Variants in ANKRD11 observed in about 807,000 individuals in gnomAD.
ANKRD11 encodes the protein ankyrin repeat domain 11.
Under a neutral mutation model 195.7 loss-of-function variants are expected in ANKRD11, and 17 were observed. The ratio of observed to expected loss-of-function variants is 0.09; its 90% CI spans 0.06 to 0.13. The LOEUF is 0.13. Ranked by LOEUF, ANKRD11 falls within the 10% of genes least tolerant of loss-of-function variation. ANKRD11 has a pLI of 1.00. For missense variants in ANKRD11, 3,735 were observed against 3,566.1 expected (o/e 1.05, Z -1.21); for synonymous variants, 1,953 against 1,528.1 (o/e 1.28, Z -6.49).
chr16:89,478,862 A>C (rs543484844), intron 1 of ANKRD11, among the ~76,000 whole-genome samples: 1 of 152,374 alleles, frequency 6.6e-6, no homozygotes, highest in African/African-American at 2.4e-5. Context: ...AGGATGAGGT[A>C]ATCTGGAGGT....
At chr16:89,317,151 C>G (rs1291852071) in intron 2 of ANKRD11, 73 bp from the exon 3 acceptor site, 11 of 1,004,156 alleles carry the variant, frequency 1.1e-5, no homozygotes, top group African/African-American at 1.6e-5. Context: ...ACACCGCACT[C>G]AACAGACTCA....
chr16:89,478,139 G>C (rs966649393), intron 1 of ANKRD11, among the ~76,000 whole-genome samples: 15 of 152,278 alleles, frequency 9.9e-5, no homozygotes, highest in Admixed American at 2.6e-4. Context: ...TTCAGGAACA[G>C]TTCCCAACGT....
At chr16:89,374,950 T>C (rs906654964) in intron 2 of ANKRD11, among the ~76,000 whole-genome samples, 1 of 152,156 alleles carries the variant, frequency 6.6e-6, no homozygotes, top group Non-Finnish European at 1.5e-5. Flanking sequence ...AAAAAGTATG[T>C]CATGAATGTA....
At chr16:89,321,401 A>G (rs1404442437) in intron 2 of ANKRD11, among the ~76,000 whole-genome samples, 1 of 134,070 alleles carries the variant, frequency 7.5e-6, no homozygotes, top group Non-Finnish European at 1.6e-5. Flanking sequence ...GCAGGGCGGG[A>G]CTGTGGGGAG....
rs866660445 is a variant in ANKRD11 at position 89,404,631 on chromosome 16, C to T, written c.-60+13653G>A. Among the ~76,000 whole-genome samples, 10 of 152,332 alleles carry T rather than the reference C, an allele frequency of 6.6e-5. No individual in the cohort carries two copies. In the Middle Eastern group the frequency reaches 0.017, roughly 259 times the overall value. The stretch of plus-strand genomic sequence containing the variant: ...AATGCCTAGGTCAGGAGAAGACAGA[C>T]GCAGTCACTACTATGGATCCTGAGG... On this transcript the variant is annotated intron_variant, in intron 2 of 12. Coordinates refer to ENST00000301030, the MANE Select transcript of ANKRD11 (RefSeq NM_013275.6).
At chr16:89,333,377 C>T (rs1185669157) in intron 2 of ANKRD11, among the ~76,000 whole-genome samples, 2 of 152,216 alleles carry the variant, frequency 1.3e-5, no homozygotes. Flanking sequence ...AGCATCATCA[C>T]CCACAGGCCG....
At chr16:89,386,244 T>C (rs2040904616) in intron 2 of ANKRD11, among the ~76,000 whole-genome samples, 2 of 151,904 alleles carry the variant, frequency 1.3e-5, no homozygotes, top group Middle Eastern at 3.4e-3. Flanking sequence ...AATGACCAAA[T>C]AAAAAATGAC....
At chr16:89,346,088 A>AC (rs1431247303) in intron 2 of ANKRD11, among the ~76,000 whole-genome samples, 2 of 143,446 alleles carry the variant, frequency 1.4e-5, no homozygotes, top group Admixed American at 6.9e-5. Flanking sequence ...CTAACAACAC[A>AC]AAAAAAAAAA....
intron 2 of ANKRD11, among the ~76,000 whole-genome samples, chr16:89,330,426 G>A (rs1000145806): frequency 2.0e-5 from 3 of 152,094 alleles, no homozygotes; most frequent in Non-Finnish European, 2.9e-5. Context: ...GGCTGCTGCT[G>A]GCTCTGGCAG....
intron 9 of ANKRD11, chr16:89,278,137 G>C (rs984405733): frequency 1.2e-5 from 3 of 257,562 alleles, no homozygotes; most frequent in South Asian, 8.2e-5. Flanking sequence ...TCTGGGAGGA[G>C]ACTCCAGGGA....
At chr16:89,489,668 G>A (rs1021928981) in intron 1 of ANKRD11, among the ~76,000 whole-genome samples, 1 of 151,728 alleles carries the variant, frequency 6.6e-6, no homozygotes, top group African/African-American at 2.4e-5. Context: ...CGCAGAACCC[G>A]GCGCCCGGCC....
rs1204350903 is a variant in ANKRD11 at position 89,284,787 on chromosome 16, A to G, written c.1755T>C (p.Ser585=). 2 of 1,613,318 alleles carry G rather than the reference A, an allele frequency of 1.2e-6. No individual in the cohort carries two copies. The highest frequency in any genetic ancestry group is 1.7e-6 in the Non-Finnish European group (2 of 1,179,978). Residue 585 remains serine (S), a synonymous_variant, in exon 9 of 13, where the codon AGT becomes AGC. Coordinates refer to ENST00000301030, the MANE Select transcript of ANKRD11 (RefSeq NM_013275.6). ...TCCTCACTGGCTTCAGCGATTCCACACTGGAGCCCTCAGAGGAGTAGTCAG... is the reference window on the plus strand; with the variant it reads ...TCCTCACTGGCTTCAGCGATTCCACGCTGGAGCCCTCAGAGGAGTAGTCAG... ...SESDYSSEGS[S]VESLKPVRKR...
At chr16:89,300,788 C>A in intron 4 of ANKRD11, 1 of 686,146 alleles carries the variant, frequency 1.5e-6, no homozygotes, top group South Asian at 1.6e-5. Flanking sequence ...AGAGCACACC[C>A]CAGGCACCAG....
At chr16:89,460,088 A>C (rs2056598595) in intron 1 of ANKRD11, among the ~76,000 whole-genome samples, 1 of 151,824 alleles carries the variant, frequency 6.6e-6, no homozygotes. Context: ...ATACAAAAGA[A>C]TTAGCTGGGC....
chr16:89,285,753 A>G lies in ANKRD11; in HGVS notation c.893-104T>C. ...CAGATGTGTCTGCGGGAAGGTTCCC[A>G]CCCTGCCTCTGCAGAGACACTTTGC... On this transcript the variant is annotated intron_variant, in intron 8 of 12. Transcript: ENST00000301030. The surrounding 1 kb of genome is among the most constrained non-coding windows in gnomAD (Gnocchi z 5.6). 7.7e-7 allele frequency: 1 copy of G among 1,302,590 alleles called. No individual in the cohort carries two copies. Among genetic ancestry groups the G allele is most frequent in the Non-Finnish European group, 1.1e-6 (1 of 915,948 alleles). The allele number at this position is 1,302,590 out of a possible 1,614,324, so 80.7% of individuals were successfully genotyped here. A position where few individuals can be genotyped will look rare whatever the true frequency, so the allele number is the denominator to read the frequency against.
At chr16:89,338,958 AG>A (rs1376526348) in intron 2 of ANKRD11, among the ~76,000 whole-genome samples, 1 of 152,150 alleles carries the variant, frequency 6.6e-6, no homozygotes, top group African/African-American at 2.4e-5. Context: ...AAAGCACATG[AG>A]GAACTCCTTT....
chr16:89,335,038 A>G (rs909658931), intron 2 of ANKRD11, among the ~76,000 whole-genome samples: 2 of 152,118 alleles, frequency 1.3e-5, no homozygotes, highest in Non-Finnish European at 2.9e-5. Context: ...GATGTGTGCC[A>G]TTTCCTCCAC....
intron 12 of ANKRD11, among the ~76,000 whole-genome samples, chr16:89,269,625 T>C (rs1467624401): frequency 6.7e-6 from 1 of 150,224 alleles, no homozygotes; most frequent in Non-Finnish European, 1.5e-5. Context: ...ATCCCTAAGG[T>C]TTTTTTTTAA....
At chr16:89,433,978 T>C (rs2043107434) in intron 1 of ANKRD11, among the ~76,000 whole-genome samples, 1 of 152,126 alleles carries the variant, frequency 6.6e-6, no homozygotes, top group Non-Finnish European at 1.5e-5. Context: ...GACACTGGCT[T>C]CTAAATACAG....
Sources: gnomAD v4.1 joint callset for allele counts (sites outside exome capture counted in the v4.1 genomes callset) on GRCh38, gnomAD v4.1.1 for gene constraint, Gnocchi (gnomAD v3.1) non-coding constraint, MANE v1.5 for transcripts, NCBI Gene and HGNC (gene_info 2026-07-23, HGNC 2026-07-21) for gene names.